APIP: variants seen among roughly 807,000 people sequenced by gnomAD.
APIP encodes APAF1 interacting protein.
In APIP, 32 loss-of-function variants were observed where a neutral mutation model predicts 32.0. That is an observed-to-expected ratio of 1.00 (90% confidence interval 0.76 to 1.34). The LOEUF (loss-of-function observed/expected upper bound fraction) is 1.34, where lower values mean the gene tolerates loss of function less well. Ranked by LOEUF, APIP falls within the 40% of genes most tolerant of loss-of-function variation. APIP has a pLI of 0.00. For missense variants in APIP, 247 were observed against 298.6 expected, an observed-to-expected ratio of 0.83 and a Z score of 1.27; for synonymous variants, 92 against 94.8, an observed-to-expected ratio of 0.97 and a Z score of 0.17.
At chr11:34,897,346 A>G (rs1442216381) in intron 1 of APIP, among the ~76,000 whole-genome samples, 1 of 152,248 alleles carries the variant, frequency 6.6e-6, no homozygotes, top group Non-Finnish European at 1.5e-5. Flanking sequence ...TTACTTATCC[A>G]CACAATGAAA....
rs148043365 is a variant in APIP at position 34,914,795 on chromosome 11, C to G, written c.57+1433G>C. Among the ~76,000 whole-genome samples, 24 of 151,928 alleles carry G rather than the reference C, an allele frequency of 1.6e-4. 1 individual carries two copies. The East Asian group carries it at 4.6e-3, about 29-fold the overall frequency. On this transcript the variant is annotated intron_variant, in intron 1 of 6. Coordinates refer to ENST00000395787, the MANE Select transcript of APIP (RefSeq NM_015957.4). ...TAGGGGGGTGGATCACCTGAGATAA[C>G]GAGTTCGAGACCAGCCTGGCCAACA...
intron 1 of APIP, among the ~76,000 whole-genome samples, chr11:34,904,341 T>G (rs534098684): frequency 3.3e-5 from 5 of 152,358 alleles, no homozygotes; most frequent in Admixed American, 1.3e-4. Context: ...ATCTCCATTG[T>G]GCTTGGAGAC....
intron 1 of APIP, among the ~76,000 whole-genome samples, chr11:34,915,104 T>C (rs12361884): frequency 1.3e-4 from 19 of 149,660 alleles, no homozygotes; most frequent in Non-Finnish European, 2.5e-4. Flanking sequence ...CTGTGGGCCA[T>C]GTTTGGTTTG....
intron 1 of APIP, chr11:34,916,006 C>T (rs1853672860): frequency 1.6e-6 from 1 of 609,442 alleles, no homozygotes; most frequent in Non-Finnish European, 2.8e-6. Context: ...GCCCAGCTCC[C>T]GCCATCGGAG....
chr11:34,896,077 G>A lies in APIP; in HGVS notation c.58-967C>T, dbSNP rs994286922. Among the ~76,000 whole-genome samples, 5 of 152,132 alleles carry A rather than the reference G, an allele frequency of 3.3e-5. No homozygotes were observed. The East Asian group carries it at 5.8e-4, about 18-fold the overall frequency. On this transcript the variant is annotated intron_variant, in intron 1 of 6. Coordinates refer to ENST00000395787, the MANE Select transcript of APIP (RefSeq NM_015957.4). Reference sequence around the variant, plus strand: ...AGACTCTCACACCAGTTGGAATGGCGATCATTAAAAAGTCAGGAAACAATA... The same window carrying A: ...AGACTCTCACACCAGTTGGAATGGCAATCATTAAAAAGTCAGGAAACAATA...
intron 3 of APIP, 83 bp downstream of exon 3, chr11:34,890,421 G>GT (rs2133907374): frequency 1.5e-6 from 2 of 1,332,558 alleles, no homozygotes; most frequent in Non-Finnish European, 2.1e-6. Context: ...TAAAATGAAT[G>GT]TTTTCTCTTA....
In APIP at chr11:34,910,363, A is replaced by C. The variant is rs550638593; in HGVS notation, c.57+5865T>G. 7.8e-4 allele frequency among the ~76,000 whole-genome samples: 119 copies of C among 152,356 alleles called. 3 individuals are homozygous for C. In the South Asian group the frequency reaches 0.024, roughly 31 times the overall value. ...TTAGAAGTAAATGAAACTTGGAGGC[A>C]TGGAGTTCTAATGACTCTTTCAATA... On this transcript the variant is annotated intron_variant, in intron 1 of 6. Transcript: ENST00000395787.
intron 1 of APIP, among the ~76,000 whole-genome samples, chr11:34,908,518 A>C (rs1246928313): frequency 2.0e-5 from 3 of 152,104 alleles, no homozygotes; most frequent in Admixed American, 2.0e-4. Flanking sequence ...TTCTACCTTC[A>C]CCACACTTAA....
chr11:34,916,379 C>G lies in APIP; in HGVS notation c.-95G>C, dbSNP rs538595954. On this transcript the variant is annotated 5_prime_UTR_variant, in exon 1 of 7. Coordinates refer to ENST00000395787, the MANE Select transcript of APIP (RefSeq NM_015957.4). ...ACGGCAGCGAGGCCGCAAATGCAATCAGGCGGCGCTGAGGGCAGCCCGGGG... is the reference window on the plus strand; with the variant it reads ...ACGGCAGCGAGGCCGCAAATGCAATGAGGCGGCGCTGAGGGCAGCCCGGGG... 243 of 1,557,958 alleles carry G rather than the reference C, an allele frequency of 1.6e-4. 1 individual carries two copies. In the African/African-American group the frequency reaches 3.0e-3, roughly 19 times the overall value.
At position 34,882,329 on chromosome 11, in the gene APIP, C is replaced by T. The variant is rs112758842; in HGVS notation, c.*388G>A. On this transcript the variant is annotated 3_prime_UTR_variant, in exon 7 of 7. Coordinates refer to ENST00000395787, the MANE Select transcript of APIP (RefSeq NM_015957.4). ...AATGTTTCATATTTATTTTCTGACA[C>T]CAACATTAAAACAAGAGAATGCTCA... The T allele has an allele frequency of 6.5e-6, 1 of 153,296 alleles. No homozygotes were observed. The highest frequency in any genetic ancestry group is 2.4e-5 in the African/African-American group (1 of 41,510). The allele number at this position is 153,296 out of a possible 1,614,324, so 9.5% of individuals were successfully genotyped here.
chr11:34,905,240 C>T (rs182199420), intron 1 of APIP, among the ~76,000 whole-genome samples: 191 of 152,308 alleles, frequency 1.3e-3, no homozygotes, highest in African/African-American at 4.3e-3. Flanking sequence ...GACTTTTTAT[C>T]GGACTTAGTA....
chr11:34,887,126 T>C (rs945816037), intron 5 of APIP, among the ~76,000 whole-genome samples: 5 of 152,178 alleles, frequency 3.3e-5, no homozygotes, highest in African/African-American at 1.2e-4. Flanking sequence ...AATGACTCTA[T>C]TACTCATTTC....
intron 2 of APIP, among the ~76,000 whole-genome samples, chr11:34,893,606 G>A (rs145590502): frequency 1.9e-4 from 29 of 152,340 alleles, no homozygotes; most frequent in African/African-American, 6.7e-4. Flanking sequence ...GATGGTAAGA[G>A]AGGAGGCACA....
chr11:34,885,005 G>A (rs1344533826), intron 5 of APIP, among the ~76,000 whole-genome samples: 1 of 151,172 alleles, frequency 6.6e-6, no homozygotes. Context: ...TGTTTTCACT[G>A]TACCATAGAG....
At chr11:34,891,343 G>A (rs1478108600) in intron 2 of APIP, among the ~76,000 whole-genome samples, 1 of 152,066 alleles carries the variant, frequency 6.6e-6, no homozygotes, top group Non-Finnish European at 1.5e-5. Flanking sequence ...AACGTCCCTT[G>A]GCTCACATAT....
At chr11:34,897,720 C>T (rs2133913658) in intron 1 of APIP, among the ~76,000 whole-genome samples, 1 of 152,216 alleles carries the variant, frequency 6.6e-6, no homozygotes, top group Admixed American at 6.5e-5. Flanking sequence ...CTTCTTGTCA[C>T]CATGTGTGTC....
In APIP at chr11:34,883,248, A is replaced by G. The variant is rs184470334; in HGVS notation, c.629+89T>C. 305 of 1,329,160 alleles carry G rather than the reference A, an allele frequency of 2.3e-4. 1 individual carries two copies. In the African/African-American group the frequency reaches 2.7e-3, roughly 12 times the overall value. The allele number at this position is 1,329,160 out of a possible 1,614,324, so 82.3% of individuals were successfully genotyped here. On this transcript the variant is annotated intron_variant, in intron 6 of 6. Transcript: ENST00000395787. ...AAGTATCTACAAATAATGATAAACA[A>G]TTTAAATTTAAACCAACTGACATAC...
chr11:34,914,145 T>C (rs983521028), intron 1 of APIP, among the ~76,000 whole-genome samples: 1 of 152,236 alleles, frequency 6.6e-6, no homozygotes, highest in Non-Finnish European at 1.5e-5. Context: ...CCCATTCAAG[T>C]GTATACTCCT....
In APIP at chr11:34,905,573, G is replaced by A. The variant is rs536806767; in HGVS notation, c.58-10463C>T. Among the ~76,000 whole-genome samples, 5 of 152,278 alleles carry A rather than the reference G, an allele frequency of 3.3e-5. No homozygotes were observed. In the South Asian group the frequency reaches 1.0e-3, roughly 32 times the overall value. On this transcript the variant is annotated intron_variant, in intron 1 of 6. Coordinates refer to ENST00000395787, the MANE Select transcript of APIP (RefSeq NM_015957.4). ...TGCCTCTCTCTGCTTTAAAAGCAGC[G>A]AGGAAGGACCATGCTTGGGAGATCT...
Sources: gnomAD v4.1 joint callset for allele counts (sites outside exome capture counted in the v4.1 genomes callset) on GRCh38, gnomAD v4.1.1 for gene constraint, MANE v1.5 for transcripts, NCBI Gene and HGNC (gene_info 2026-07-23, HGNC 2026-07-21) for gene names.